The following KDM2A variants were observed in gnomAD, a reference collection of about 807,000 sequenced individuals.
KDM2A encodes the protein lysine-specific demethylase 2A.
KDM2A carries 3 observed loss-of-function variants against 137.3 expected under a neutral mutation model. That is an observed-to-expected ratio of 0.02 (90% CI 0.01 to 0.06). KDM2A has a LOEUF of 0.06. Among genes scored for constraint, KDM2A ranks in the 10% least tolerant of loss-of-function variants. The pLI, the probability that KDM2A is intolerant of heterozygous loss-of-function variation, is 1.00. For missense variants in KDM2A, 738 were observed against 1,510.6 expected (o/e 0.49, Z 8.48); for synonymous variants, 512 against 541.5 (o/e 0.95, Z 0.76).
chr11:67,164,316 T>C (rs1277661113), intron 2 of KDM2A, among the ~76,000 whole-genome samples: 2 of 152,194 alleles, frequency 1.3e-5, no homozygotes, highest in East Asian at 3.8e-4. Context: ...ATTTCAGATA[T>C]AAGAATTTTA....
At chr11:67,176,993 C>G (rs1201898695) in intron 2 of KDM2A, among the ~76,000 whole-genome samples, 1 of 151,884 alleles carries the variant, frequency 6.6e-6, no homozygotes, top group Non-Finnish European at 1.5e-5. Context: ...CACGGTGGCT[C>G]ACGCCTGTAA....
At chr11:67,227,951 C>T in intron 10 of KDM2A, 86 bp from the exon 11 acceptor site, 1 of 1,381,890 alleles carries the variant, frequency 7.2e-7, no homozygotes, top group East Asian at 2.3e-5. Flanking sequence ...GAGAGTATTT[C>T]CTGGGTTAAT....
At chr11:67,136,881 T>TA (rs1208359811) in intron 2 of KDM2A, among the ~76,000 whole-genome samples, 1 of 152,194 alleles carries the variant, frequency 6.6e-6, no homozygotes, top group African/African-American at 2.4e-5. Flanking sequence ...AGTCAGACAT[T>TA]AAACAAATAC....
At chr11:67,154,215 G>A (rs1245717737) in intron 2 of KDM2A, among the ~76,000 whole-genome samples, 7 of 152,066 alleles carry the variant, frequency 4.6e-5, no homozygotes, top group East Asian at 1.9e-4. Flanking sequence ...AATCTGGCTC[G>A]TCATTTGATT....
chr11:67,250,147 G>C lies in KDM2A; in HGVS notation c.2117G>C (p.Arg706Pro). ...CAAGCCAAAGTCCTGCGGCCCCTGC[G>C]GAGCTGCGATGAGCCTCTCACGCCC... is the stretch of plus-strand genomic sequence containing the variant. ...AVQAKVLRPLRSCDEPLTPPP... is the reference protein window; with the variant it reads ...AVQAKVLRPLPSCDEPLTPPP... The change falls in exon 17 of 21, where the codon CGG becomes CCG. Residue 706 changes from arginine (R) to proline (P), a missense_variant. Coordinates refer to ENST00000529006, the MANE Select transcript of KDM2A (RefSeq NM_012308.3). The surrounding 1 kb of genome is among the most constrained non-coding windows in gnomAD (Gnocchi z 7.1). 1 of 1,613,262 alleles carries C rather than the reference G, an allele frequency of 6.2e-7. No individual in the cohort carries two copies. Among genetic ancestry groups the C allele is most frequent in the Non-Finnish European group, 8.5e-7 (1 of 1,179,584 alleles).
At chr11:67,206,649 C>T (rs923081182) in intron 5 of KDM2A, among the ~76,000 whole-genome samples, 4 of 152,042 alleles carry the variant, frequency 2.6e-5, no homozygotes, top group Non-Finnish European at 4.4e-5. Context: ...GGCAGGAGAA[C>T]TGCTTGAACC....
At chr11:67,133,616 T>C (rs1157356611) in intron 2 of KDM2A, among the ~76,000 whole-genome samples, 1 of 151,984 alleles carries the variant, frequency 6.6e-6, no homozygotes, top group African/African-American at 2.4e-5. Flanking sequence ...TTGGCCAGTC[T>C]GGTCTTGAAC....
chr11:67,139,803 G>A lies in KDM2A; in HGVS notation c.42+18445G>A, dbSNP rs1166792457. ...TGGCTCACTGCAACCTTTGCCTCCC[G>A]GGTTCAAGTGATTCTTCTGCCTCAG... On this transcript the variant is annotated intron_variant, in intron 2 of 20. Transcript: ENST00000529006. Among the ~76,000 whole-genome samples, 3 of 152,104 alleles carry A rather than the reference G, an allele frequency of 2.0e-5. 1 individual carries two copies. Among genetic ancestry groups the A allele is most frequent in the South Asian group, 4.2e-4 (2 of 4,804 alleles).
chr11:67,170,660 G>A (rs961983567), intron 2 of KDM2A, among the ~76,000 whole-genome samples: 19 of 151,938 alleles, frequency 1.3e-4, no homozygotes, highest in Non-Finnish European at 2.4e-4. Flanking sequence ...TGATCCGCCC[G>A]CCTCAGCCTC....
intron 10 of KDM2A, 187 bp downstream of exon 10, chr11:67,219,590 T>C: frequency 2.9e-6 from 1 of 340,890 alleles, no homozygotes; most frequent in Non-Finnish European, 5.4e-6. Flanking sequence ...AATCTTGTTC[T>C]GTTTTCCAGG....
intron 2 of KDM2A, among the ~76,000 whole-genome samples, chr11:67,175,139 T>C (rs1040952625): frequency 1.2e-4 from 19 of 152,344 alleles, no homozygotes; most frequent in Non-Finnish European, 2.2e-4. Flanking sequence ...TGTTATTGCC[T>C]ACTGATATCC....
chr11:67,135,069 T>G (rs1460967165), intron 2 of KDM2A, among the ~76,000 whole-genome samples: 1 of 148,744 alleles, frequency 6.7e-6, no homozygotes, highest in Non-Finnish European at 1.5e-5. Context: ...AAGATTTTCT[T>G]TTTTTTTTTT....
rs1434839930 is a variant in KDM2A, at chr11:67,119,706, TG to T, written c.-425del. 2 of 149,540 alleles carry T rather than the reference TG, an allele frequency of 1.3e-5. No homozygotes were observed. The highest frequency in any genetic ancestry group is 6.6e-5 in the Admixed American group (1 of 15,078). The allele number at this position is 149,540 out of a possible 1,614,324, so 9.3% of individuals were successfully genotyped here. ...GCTCCCGCAGGCGACCAGCCCCTGC[TG>T]GCCGAGGGCACGGCGAGGAGGGCGC... On this transcript the variant is annotated 5_prime_UTR_variant, in exon 1 of 21. Coordinates refer to ENST00000529006, the MANE Select transcript of KDM2A (RefSeq NM_012308.3).
intron 2 of KDM2A, among the ~76,000 whole-genome samples, chr11:67,154,045 A>G (rs1210731022): frequency 2.0e-5 from 3 of 152,224 alleles, no homozygotes; most frequent in Non-Finnish European, 4.4e-5. Context: ...AGAAAATTCA[A>G]ATTCCATAAT....
At chr11:67,202,489 T>G (rs992588476) in intron 5 of KDM2A, among the ~76,000 whole-genome samples, 2 of 152,112 alleles carry the variant, frequency 1.3e-5, no homozygotes, top group African/African-American at 4.8e-5. Flanking sequence ...TTAAGAAATG[T>G]CAGCTGGGCA....
chr11:67,218,524 T>C (rs922396461), intron 9 of KDM2A, among the ~76,000 whole-genome samples: 1 of 152,214 alleles, frequency 6.6e-6, no homozygotes, highest in African/African-American at 2.4e-5. Flanking sequence ...ATAAGCCTTC[T>C]TAAAACATTA....
chr11:67,243,172 AC>A, intron 13 of KDM2A, 80 bp downstream of exon 13: 2 of 1,021,778 alleles, frequency 2.0e-6, no homozygotes. Context: ...GAAAACAAGA[AC>A]AACTAGAGGC....
intron 2 of KDM2A, among the ~76,000 whole-genome samples, chr11:67,122,841 A>G (rs1855629734): frequency 6.6e-6 from 1 of 151,214 alleles, no homozygotes; most frequent in Non-Finnish European, 1.5e-5. Flanking sequence ...ACGCCCAGCT[A>G]ATTTTTTGTA....
At chr11:67,212,549 T>C (rs569721326) in intron 6 of KDM2A, among the ~76,000 whole-genome samples, 1 of 152,320 alleles carries the variant, frequency 6.6e-6, no homozygotes, top group East Asian at 1.9e-4. Context: ...ATTGGACTTC[T>C]TACCAGTTTG....
Sources: gnomAD v4.1 joint callset for allele counts (sites outside exome capture counted in the v4.1 genomes callset) on GRCh38, gnomAD v4.1.1 for gene constraint, Gnocchi (gnomAD v3.1) non-coding constraint, MANE v1.5 for transcripts, NCBI Gene and HGNC (gene_info 2026-07-23, HGNC 2026-07-21) for gene names.